Variants in PHF24 observed in about 807,000 individuals in gnomAD.
PHF24 encodes the protein PHD finger protein 24, also known as Galpha inhibitory interacting protein.
A neutral mutation model predicts 42.6 loss-of-function variants in PHF24; 25 were observed. The observed-to-expected ratio is 0.59, with a 90% confidence interval of 0.43 to 0.82. The LOEUF (loss-of-function observed/expected upper bound fraction) is 0.82, where lower values mean the gene tolerates loss of function less well. PHF24 is among the 40% of genes least tolerant of loss of function. The pLI, the probability that PHF24 is intolerant of heterozygous loss-of-function variation, is 0.00. For synonymous variants in PHF24, 185 were observed against 204.8 expected, an observed-to-expected ratio of 0.90 and a Z score of 0.83; for missense variants, 470 against 538.1, an observed-to-expected ratio of 0.87 and a Z score of 1.25.
chr9:34,680,411 G>C, the PHF24 span, among the ~76,000 whole-genome samples: 1 of 151,000 alleles, frequency 6.6e-6, no homozygotes, highest in Non-Finnish European at 1.5e-5. Context: ...TAAGAAGGCC[G>C]GGCGCGGTGG....
chr9:34,793,174 A>G, the PHF24 span, among the ~76,000 whole-genome samples: 1 of 152,090 alleles, frequency 6.6e-6, no homozygotes. Flanking sequence ...ACAAAACTCA[A>G]AAATTTCAAG....
the PHF24 span, among the ~76,000 whole-genome samples, chr9:34,706,260 A>G: frequency 6.6e-6 from 1 of 152,214 alleles, no homozygotes; most frequent in East Asian, 1.9e-4. Flanking sequence ...TGGTATGACT[A>G]TATTTAGAGG....
chr9:34,728,621 C>A, the PHF24 span: 1 of 1,550,878 alleles, frequency 6.4e-7, no homozygotes, highest in African/African-American at 1.4e-5. Flanking sequence ...GTTGATGCTG[C>A]ATCTCTAGCT....
At chr9:34,671,102 C>T in the PHF24 span, among the ~76,000 whole-genome samples, 1 of 152,202 alleles carries the variant, frequency 6.6e-6, no homozygotes, top group Non-Finnish European at 1.5e-5. Context: ...GACCCATTTT[C>T]CTATGCCCCA....
chr9:34,908,136 C>T, the PHF24 span, among the ~76,000 whole-genome samples: 43 of 152,044 alleles, frequency 2.8e-4, no homozygotes, highest in Non-Finnish European at 5.1e-4. Flanking sequence ...CTGCCACACC[C>T]GGCCTCTTCA....
the PHF24 span, among the ~76,000 whole-genome samples, chr9:34,740,733 G>T: frequency 1.3e-5 from 2 of 152,230 alleles, no homozygotes; most frequent in Non-Finnish European, 2.9e-5. Context: ...GAATAGTGAA[G>T]CAGTGGAAAC....
At chr9:34,906,770 C>T in the PHF24 span, among the ~76,000 whole-genome samples, 1 of 151,766 alleles carries the variant, frequency 6.6e-6, no homozygotes, top group Admixed American at 6.6e-5. Context: ...AAACAAGTAA[C>T]TTTGTTTCCA....
the PHF24 span, among the ~76,000 whole-genome samples, chr9:34,773,480 A>G: frequency 5.9e-5 from 9 of 152,260 alleles, no homozygotes; most frequent in African/African-American, 2.2e-4. Context: ...CAACTGCAAG[A>G]GTTCCCAATG....
At chr9:34,712,513 C>A in the PHF24 span, among the ~76,000 whole-genome samples, 1 of 151,946 alleles carries the variant, frequency 6.6e-6, no homozygotes, top group Admixed American at 6.6e-5. Context: ...GAATACTGAT[C>A]CTTTTTTTTC....
At chr9:34,693,566 A>G in the PHF24 span, among the ~76,000 whole-genome samples, 1 of 152,118 alleles carries the variant, frequency 6.6e-6, no homozygotes, top group Non-Finnish European at 1.5e-5. Context: ...GCATTTTCAC[A>G]TACCCTCCAA....
chr9:34,721,609 C>T, the PHF24 span, among the ~76,000 whole-genome samples: 15 of 152,268 alleles, frequency 9.9e-5, no homozygotes, highest in African/African-American at 3.4e-4. Flanking sequence ...CAGAGTTTCA[C>T]CATGTTGGCC....
At chr9:34,881,739 A>G in the PHF24 span, among the ~76,000 whole-genome samples, 8 of 152,312 alleles carry the variant, frequency 5.3e-5, no homozygotes, top group East Asian at 1.5e-3. Flanking sequence ...AACCAAAAAA[A>G]AGTCCAGGAC....
At chr9:34,893,985 A>C in the PHF24 span, among the ~76,000 whole-genome samples, 1 of 152,212 alleles carries the variant, frequency 6.6e-6, no homozygotes, top group African/African-American at 2.4e-5. Flanking sequence ...TAAGAAGAGG[A>C]TAAGATGATA....
At chr9:34,811,438 T>C in the PHF24 span, among the ~76,000 whole-genome samples, 3 of 152,218 alleles carry the variant, frequency 2.0e-5, no homozygotes, top group Non-Finnish European at 4.4e-5. Context: ...GGGTTTGTTA[T>C]AAGAGCGAGT....
the PHF24 span, among the ~76,000 whole-genome samples, chr9:34,696,264 G>C: frequency 1.1e-4 from 17 of 152,124 alleles, no homozygotes; most frequent in Non-Finnish European, 2.9e-5. Context: ...GTGGGGGGCA[G>C]ATCACTTGAG....
At chr9:34,902,177 T>C in the PHF24 span, among the ~76,000 whole-genome samples, 1 of 151,340 alleles carries the variant, frequency 6.6e-6, no homozygotes, top group South Asian at 2.1e-4. Context: ...ATCAAAATGA[T>C]TAAATTTTGT....
chr9:34,767,949 C>G, the PHF24 span, among the ~76,000 whole-genome samples: 3 of 152,192 alleles, frequency 2.0e-5, no homozygotes, highest in Non-Finnish European at 4.4e-5. Flanking sequence ...TGCACATCTA[C>G]CGACACTATG....
chr9:34,826,386 C>T, the PHF24 span, among the ~76,000 whole-genome samples: 1 of 152,198 alleles, frequency 6.6e-6, no homozygotes, highest in Non-Finnish European at 1.5e-5. Context: ...GCAGGCCTGG[C>T]CTAGACCATG....
At chr9:34,846,858 T>A in the PHF24 span, among the ~76,000 whole-genome samples, 6 of 152,248 alleles carry the variant, frequency 3.9e-5, no homozygotes, top group Non-Finnish European at 8.8e-5. Flanking sequence ...AAATAGGGAA[T>A]CCTTTCCCCA....
Sources: gnomAD v4.1 joint callset for allele counts (sites outside exome capture counted in the v4.1 genomes callset) on GRCh38, gnomAD v4.1.1 for gene constraint, MANE v1.5 for transcripts, NCBI Gene and HGNC (gene_info 2026-07-23, HGNC 2026-07-21) for gene names.